The following DIAPH2 variants were observed in gnomAD, a reference collection of about 807,000 sequenced individuals.
The protein encoded by DIAPH2 is diaphanous related formin 2.
In DIAPH2, 35 loss-of-function variants were observed where a neutral mutation model predicts 92.7. That is an observed-to-expected ratio of 0.38 (90% CI 0.29 to 0.50). DIAPH2 has a LOEUF of 0.50. Ranked by LOEUF, DIAPH2 falls within the 20% of genes least tolerant of loss-of-function variation. The probability of loss-of-function intolerance (pLI) is 0.94; values close to 1 mark genes in which losing one functional copy is unlikely to be tolerated. For missense variants in DIAPH2, 701 were observed against 819.5 expected, an observed-to-expected ratio of 0.86 and a Z score of 1.77; for synonymous variants, 301 against 280.4, an observed-to-expected ratio of 1.07 and a Z score of -0.73.
At chrX:96,834,372 C>T (rs2064874433) in intron 4 of DIAPH2, among the ~76,000 whole-genome samples, 1 of 111,833 alleles carries the variant, frequency 8.9e-6, no homozygotes, top group South Asian at 3.8e-4. Flanking sequence ...GGGTGGTAAT[C>T]TGCAGCAGCT....
intron 23 of DIAPH2, among the ~76,000 whole-genome samples, chrX:97,270,176 G>A (rs1050728885): frequency 1.8e-5 from 2 of 110,603 alleles, no homozygotes; most frequent in Non-Finnish European, 1.9e-5. Flanking sequence ...TGATCTGCCC[G>A]TCTCGGCCTC....
At chrX:96,711,779 CT>C (rs2063919746) in intron 1 of DIAPH2, among the ~76,000 whole-genome samples, 1 of 110,322 alleles carries the variant, frequency 9.1e-6, no homozygotes, top group Admixed American at 9.7e-5. Context: ...AAATAACTTG[CT>C]TTTTCTTTTA....
rs1384957511 is a variant in DIAPH2 at position 97,011,765 on chromosome X, G to A, written c.2050+46558G>A. Among the ~76,000 whole-genome samples the A allele has an allele frequency of 3.7e-5, 4 of 108,283 alleles. No individual in the cohort carries two copies. In the East Asian group the frequency reaches 1.2e-3, roughly 32 times the overall value. The allele number at this position is 108,283 out of a possible 115,157, so 94.0% of individuals were successfully genotyped here. A position where few individuals can be genotyped will look rare whatever the true frequency, so the allele number is the denominator to read the frequency against. ...AAATTAGCCGGGTGTGCTGGCACAT[G>A]CCTGTGATACCAGCTACTTGGGAGG... On this transcript the variant is annotated intron_variant, in intron 17 of 26. Coordinates refer to ENST00000324765, the MANE Select transcript of DIAPH2 (RefSeq NM_006729.5).
At chrX:96,802,950 C>A (rs746075153) in intron 4 of DIAPH2, among the ~76,000 whole-genome samples, 1 of 111,612 alleles carries the variant, frequency 9.0e-6, no homozygotes, top group African/African-American at 3.3e-5. Context: ...CATTCCAGGG[C>A]AGGGAGCATC....
chrX:96,919,265 A>T (rs776306820), intron 9 of DIAPH2, among the ~76,000 whole-genome samples: 1 of 112,276 alleles, frequency 8.9e-6, no homozygotes, highest in Non-Finnish European at 1.9e-5. Context: ...ATTTGCATAT[A>T]TTATTTGATT....
At chrX:97,369,188 G>A (rs772484635) in intron 24 of DIAPH2, among the ~76,000 whole-genome samples, 19 of 111,674 alleles carry the variant, frequency 1.7e-4, no homozygotes, top group African/African-American at 5.5e-4. Context: ...GATTACAGGC[G>A]TGAGCCACCG....
intron 22 of DIAPH2, among the ~76,000 whole-genome samples, chrX:97,210,637 G>A (rs1333538497): frequency 9.0e-6 from 1 of 111,490 alleles, no homozygotes; most frequent in Non-Finnish European, 1.9e-5. Context: ...TTATGGTACT[G>A]ACATAAAAAG....
At chrX:96,702,250 A>G (rs2063859551) in intron 1 of DIAPH2, among the ~76,000 whole-genome samples, 1 of 111,987 alleles carries the variant, frequency 8.9e-6, no homozygotes, top group Non-Finnish European at 1.9e-5. Flanking sequence ...TAGTTTTATT[A>G]CTGATGATTT....
intron 26 of DIAPH2, among the ~76,000 whole-genome samples, chrX:97,497,326 T>A (rs2070765849): frequency 9.0e-6 from 1 of 111,202 alleles, no homozygotes; most frequent in South Asian, 3.8e-4. Context: ...GCACTCCATC[T>A]CTGGCCTGTG....
chrX:96,880,492 A>T (rs2065206216), intron 4 of DIAPH2, among the ~76,000 whole-genome samples: 1 of 111,964 alleles, frequency 8.9e-6, no homozygotes, highest in African/African-American at 3.2e-5. Context: ...CTCATTTCTC[A>T]TTATTAACAT....
intron 17 of DIAPH2, among the ~76,000 whole-genome samples, chrX:97,057,910 G>A (rs1239213654): frequency 9.1e-6 from 1 of 109,497 alleles, no homozygotes; most frequent in African/African-American, 3.3e-5. Context: ...GTTTAGCTCT[G>A]TTGCTACTGC....
intron 23 of DIAPH2, among the ~76,000 whole-genome samples, chrX:97,331,144 A>G (rs773536414): frequency 9.0e-6 from 1 of 111,650 alleles, no homozygotes; most frequent in East Asian, 2.8e-4. Context: ...CAAACTGAAC[A>G]CTACTGAAGC....
At chrX:97,048,445 G>A (rs2066498838) in intron 17 of DIAPH2, among the ~76,000 whole-genome samples, 1 of 111,610 alleles carries the variant, frequency 9.0e-6, no homozygotes, top group Non-Finnish European at 1.9e-5. Flanking sequence ...TATACACCTG[G>A]AGGTACTCAC....
chrX:97,061,442 C>G (rs892992162), intron 17 of DIAPH2, among the ~76,000 whole-genome samples: 28 of 111,632 alleles, frequency 2.5e-4, no homozygotes, highest in African/African-American at 8.1e-4. Flanking sequence ...TTTGCATATT[C>G]CAAGTCTTTG....
At chrX:96,740,313 C>A (rs1024534954) in intron 3 of DIAPH2, among the ~76,000 whole-genome samples, 1 of 112,055 alleles carries the variant, frequency 8.9e-6, no homozygotes, top group African/African-American at 3.2e-5. Flanking sequence ...CTAGATACCC[C>A]TCAGTTTATC....
intron 17 of DIAPH2, among the ~76,000 whole-genome samples, chrX:97,019,814 A>C (rs777256238): frequency 9.0e-6 from 1 of 111,670 alleles, no homozygotes; most frequent in South Asian, 3.8e-4. Flanking sequence ...ATTAATGATA[A>C]ATTTTTCATT....
chrX:96,825,236 A>G (rs1265227412), intron 4 of DIAPH2, among the ~76,000 whole-genome samples: 5 of 109,056 alleles, frequency 4.6e-5, no homozygotes, highest in Non-Finnish European at 9.5e-5. Context: ...GATTACAGGC[A>G]TGAGCCACCA....
intron 26 of DIAPH2, among the ~76,000 whole-genome samples, chrX:97,537,690 G>T (rs920720751): frequency 9.0e-6 from 1 of 110,995 alleles, no homozygotes; most frequent in Non-Finnish European, 1.9e-5. Context: ...CTTCCATGTT[G>T]TGAGGACACT....
intron 21 of DIAPH2, among the ~76,000 whole-genome samples, chrX:97,127,025 T>C (rs757959952): frequency 4.4e-5 from 5 of 112,696 alleles, no homozygotes; most frequent in Admixed American, 1.9e-4. Context: ...TCCTAACATC[T>C]TTCTACATAT....
Sources: gnomAD v4.1 joint callset for allele counts (sites outside exome capture counted in the v4.1 genomes callset) on GRCh38, gnomAD v4.1.1 for gene constraint, MANE v1.5 for transcripts, NCBI Gene and HGNC (gene_info 2026-07-23, HGNC 2026-07-21) for gene names.